JAZF1: variants seen among roughly 807,000 people sequenced by gnomAD.
JAZF1 encodes the protein JAZF zinc finger 1.
Under a neutral mutation model 26.4 loss-of-function variants are expected in JAZF1, and 8 were observed. The ratio of observed to expected loss-of-function variants is 0.30; its 90% CI spans 0.18 to 0.55. The LOEUF is 0.55. JAZF1 is among the 20% of genes least tolerant of loss of function. JAZF1 has a pLI of 0.94. For missense variants in JAZF1, 199 were observed against 322.0 expected (o/e 0.62, Z 2.92); for synonymous variants, 126 against 122.3 (o/e 1.03, Z -0.20).
chr7:28,128,380 G>C (rs1026772948), intron 1 of JAZF1, among the ~76,000 whole-genome samples: 3 of 152,116 alleles, frequency 2.0e-5, no homozygotes, highest in Non-Finnish European at 4.4e-5. Flanking sequence ...AAATTAGCCA[G>C]GTGTGGTGGC....
chr7:27,844,669 G>A (rs528321635), intron 3 of JAZF1: 3 of 152,152 alleles, frequency 2.0e-5, no homozygotes, highest in Non-Finnish European at 4.4e-5. Flanking sequence ...GATAAAATAA[G>A]AATAAATATC....
chr7:27,918,256 T>G (rs995409917), intron 2 of JAZF1, among the ~76,000 whole-genome samples: 1 of 152,202 alleles, frequency 6.6e-6, no homozygotes, highest in African/African-American at 2.4e-5. Flanking sequence ...TTATTCGTTT[T>G]TTTCCTTTAA....
intron 2 of JAZF1, among the ~76,000 whole-genome samples, chr7:27,899,159 GCTGT>G (rs1370919065): frequency 1.3e-5 from 2 of 152,238 alleles, no homozygotes; most frequent in African/African-American, 2.4e-5. Flanking sequence ...CATCAGCACA[GCTGT>G]CTGTCAAAAG....
rs183322112 is a variant in JAZF1 at position 28,096,579 on chromosome 7, C to T, written c.115+83884G>A. Among the ~76,000 whole-genome samples, 41 of 152,250 alleles carry T rather than the reference C, an allele frequency of 2.7e-4. 1 individual carries two copies. The highest frequency in any genetic ancestry group is 9.9e-4 in the African/African-American group (41 of 41,556). ...ATAATCATTCATGCATGTTGATAGA[C>T]GATTCAAGGAAAAATTCATAAAACA... On this transcript the variant is annotated intron_variant, in intron 1 of 4. Transcript: ENST00000283928.
chr7:28,028,044 T>G (rs1210105345), intron 1 of JAZF1, among the ~76,000 whole-genome samples: 1 of 152,226 alleles, frequency 6.6e-6, no homozygotes, highest in Non-Finnish European at 1.5e-5. Flanking sequence ...CTCTATATTT[T>G]CTAATTGGTT....
rs922755936 is a variant in JAZF1, at chr7:27,971,363, A to G, written c.188+20546T>C. ...CTTACAGGGGATATGCCGCTGACTT[A>G]GCTGCACTGCTTTGAGCCAACGGGC... On this transcript the variant is annotated intron_variant, in intron 2 of 4. Coordinates refer to ENST00000283928, the MANE Select transcript of JAZF1 (RefSeq NM_175061.4). 3.4e-4 allele frequency among the ~76,000 whole-genome samples: 51 copies of G among 152,140 alleles called. 1 individual carries two copies. Among genetic ancestry groups the G allele is most frequent in the African/African-American group, 1.2e-3 (51 of 41,378 alleles).
chr7:27,932,058 TTTTAA>T (rs1215394425), intron 2 of JAZF1, among the ~76,000 whole-genome samples: 6 of 152,202 alleles, frequency 3.9e-5, no homozygotes, highest in Non-Finnish European at 8.8e-5. Context: ...GCGTGGGCTA[TTTTAA>T]TTTTTTTAAA....
chr7:27,863,040 G>A (rs962757526), intron 3 of JAZF1, among the ~76,000 whole-genome samples: 11 of 152,160 alleles, frequency 7.2e-5, no homozygotes, highest in Non-Finnish European at 1.2e-4. Context: ...CCACCATTCC[G>A]GCCTGCCTTG....
intron 1 of JAZF1, among the ~76,000 whole-genome samples, chr7:28,021,100 C>CG (rs1276062422): frequency 5.3e-5 from 8 of 152,218 alleles, no homozygotes; most frequent in Non-Finnish European, 1.0e-4. Context: ...AGAGGGCCCA[C>CG]GGTCCAACAA....
chr7:27,869,893 C>T lies in JAZF1; in HGVS notation c.385+25327G>A, dbSNP rs186092497. ...TAGCCCCTCCACCATCAAGCCCTGC[C>T]TCCCTAACTACATTTATTTTATTTT... On this transcript the variant is annotated intron_variant, in intron 3 of 4. Coordinates refer to ENST00000283928, the MANE Select transcript of JAZF1 (RefSeq NM_175061.4). Among the ~76,000 whole-genome samples, 28 of 152,154 alleles carry T rather than the reference C, an allele frequency of 1.8e-4. No homozygotes were observed. In the East Asian group the frequency reaches 3.9e-3, roughly 21 times the overall value.
intron 2 of JAZF1, among the ~76,000 whole-genome samples, chr7:27,935,045 T>C (rs1223479982): frequency 5.3e-5 from 8 of 152,218 alleles, no homozygotes. Flanking sequence ...GCAAAGGATT[T>C]GAATAGTTAT....
At chr7:27,845,137 A>G (rs1239743525) in intron 3 of JAZF1, among the ~76,000 whole-genome samples, 1 of 152,252 alleles carries the variant, frequency 6.6e-6, no homozygotes, top group African/African-American at 2.4e-5. Flanking sequence ...TCCTCTGTGT[A>G]AAAGAGAGGG....
intron 2 of JAZF1, among the ~76,000 whole-genome samples, chr7:27,931,398 TA>T (rs894706452): frequency 6.6e-6 from 1 of 152,128 alleles, no homozygotes; most frequent in African/African-American, 2.4e-5. Context: ...AGCTGTATCC[TA>T]AAAAAACAAA....
At chr7:27,991,778 T>C in intron 2 of JAZF1, 131 bp downstream of exon 2, 2 of 608,746 alleles carry the variant, frequency 3.3e-6, no homozygotes, top group Non-Finnish European at 5.8e-6. Flanking sequence ...ATATACAGGT[T>C]GCTTTTAAAT....
chr7:27,930,114 G>GC (rs1364936647), intron 2 of JAZF1, among the ~76,000 whole-genome samples: 18 of 151,952 alleles, frequency 1.2e-4, no homozygotes, highest in African/African-American at 4.4e-4. Flanking sequence ...TCCTGCCTCA[G>GC]CCCCCCGAGT....
intron 3 of JAZF1, among the ~76,000 whole-genome samples, chr7:27,866,779 CAT>C (rs1465463759): frequency 2.0e-5 from 3 of 152,218 alleles, no homozygotes; most frequent in Admixed American, 1.3e-4. Flanking sequence ...GTTGGAGAAA[CAT>C]AATGTGCTGA....
intron 3 of JAZF1, chr7:27,843,261 T>C (rs967889627): frequency 6.6e-6 from 1 of 152,270 alleles, no homozygotes; most frequent in African/African-American, 2.4e-5. Context: ...ATATACTTAA[T>C]TTTGTCCTCT....
At chr7:28,142,072 A>T (rs1782967138) in intron 1 of JAZF1, among the ~76,000 whole-genome samples, 1 of 152,240 alleles carries the variant, frequency 6.6e-6, no homozygotes, top group Non-Finnish European at 1.5e-5. Context: ...AAGGTATATG[A>T]TTAAATGAAA....
intron 2 of JAZF1, among the ~76,000 whole-genome samples, chr7:27,903,095 A>T (rs6962744): frequency 0.032 from 4,826 of 151,572 alleles, 272 homozygotes; most frequent in African/African-American, 0.11. Flanking sequence ...ACCTTCTGCC[A>T]TCTACACTAG....
Sources: allele counts gnomAD v4.1 joint callset (sites outside exome capture counted in the v4.1 genomes callset), GRCh38; gene constraint gnomAD v4.1.1; transcripts MANE v1.5; gene names NCBI Gene and HGNC (gene_info 2026-07-23, HGNC 2026-07-21).